PTGER3: variants seen among roughly 807,000 people sequenced by gnomAD.
PTGER3 encodes the protein prostaglandin E receptor 3.
In PTGER3, 22 loss-of-function variants were observed where a neutral mutation model predicts 34.7. The observed-to-expected ratio is 0.63, with a 90% CI of 0.45 to 0.91. The LOEUF (loss-of-function observed/expected upper bound fraction) is 0.91. Among genes scored for constraint, PTGER3 ranks in the 40% least tolerant of loss-of-function variants. The pLI, the probability that PTGER3 is intolerant of heterozygous loss-of-function variation, is 0.00. For synonymous variants in PTGER3, 241 were observed against 230.1 expected, an observed-to-expected ratio of 1.05 and a Z score of -0.43; for missense variants, 468 against 519.4, an observed-to-expected ratio of 0.90 and a Z score of 0.96.
intron 4 of PTGER3, among the ~76,000 whole-genome samples, chr1:70,903,472 A>C (rs1646882455): frequency 6.6e-6 from 1 of 152,224 alleles, no homozygotes; most frequent in Non-Finnish European, 1.5e-5. Context: ...ATGACAAAAC[A>C]ATAGGTAGCT....
At chr1:70,927,781 G>GAA (rs990657099) in intron 4 of PTGER3, among the ~76,000 whole-genome samples, 123 of 152,226 alleles carry the variant, frequency 8.1e-4, no homozygotes, top group Non-Finnish European at 1.5e-3. Flanking sequence ...AGGAAAATAT[G>GAA]AAACAGCCAA....
At chr1:71,016,849 A>G (rs1047897511) in intron 1 of PTGER3, among the ~76,000 whole-genome samples, 7 of 152,160 alleles carry the variant, frequency 4.6e-5, no homozygotes, top group Admixed American at 2.0e-4. Flanking sequence ...AAATGATGTT[A>G]ATGAAAGTCT....
chr1:71,015,374 A>G (rs1007481815), intron 1 of PTGER3, among the ~76,000 whole-genome samples: 2 of 152,230 alleles, frequency 1.3e-5, no homozygotes, highest in African/African-American at 4.8e-5. Flanking sequence ...CCCAGCTCCA[A>G]GGTTACTGAA....
At chr1:70,947,905 GTGTT>G, downstream of PTGER3, among the ~76,000 whole-genome samples, 1 of 152,238 alleles carries the variant, frequency 6.6e-6, no homozygotes, top group Middle Eastern at 3.4e-3. Context: ...GGATGAATGG[GTGTT>G]TGTGGCTGGG....
intron 4 of PTGER3, among the ~76,000 whole-genome samples, chr1:70,897,549 T>C (rs1319222094): frequency 1.3e-5 from 2 of 152,174 alleles, no homozygotes; most frequent in Non-Finnish European, 2.9e-5. Flanking sequence ...ACGTGTCTGC[T>C]GTTTCCATTC....
At position 70,970,907 on chromosome 1, in the gene PTGER3, G is replaced by A. The variant is rs1046932620; in HGVS notation, c.*823C>T. On this transcript the variant is annotated 3_prime_UTR_variant, in exon 4 of 4. Coordinates refer to ENST00000306666, the MANE Select transcript of PTGER3 (RefSeq NM_198719.2). ...TATTAATTTTGCCTTTGTATATGCT[G>A]CCAGAAAAGAAATATTAAGAAATCC... The A allele has an allele frequency of 1.0e-5, 10 of 985,042 alleles. No individual in the cohort carries two copies. Among genetic ancestry groups the A allele is most frequent in the Non-Finnish European group, 1.2e-5 (10 of 829,778 alleles). 61.0% of individuals were successfully genotyped at this position (985,042 alleles called of 1,614,324 possible).
intron 4 of PTGER3, among the ~76,000 whole-genome samples, chr1:70,910,127 G>A (rs1427772112): frequency 6.6e-6 from 1 of 152,172 alleles, no homozygotes; most frequent in Non-Finnish European, 1.5e-5. Context: ...CAACCTTAAT[G>A]ATATCATAAG....
intron 3 of PTGER3, among the ~76,000 whole-genome samples, chr1:70,953,229 G>A (rs755685384): frequency 1.3e-5 from 2 of 152,142 alleles, no homozygotes; most frequent in Non-Finnish European, 2.9e-5. Context: ...TCAGGAGGAT[G>A]TGCATAGGTT....
chr1:70,943,834 AAGGGAGAGAG>A (rs1572714694), intron 4 of PTGER3, among the ~76,000 whole-genome samples: 1 of 137,532 alleles, frequency 7.3e-6, no homozygotes, highest in South Asian at 2.5e-4. Flanking sequence ...CAGATGTGAA[AAGGGAGAGAG>A]AGGGAGAGAG....
intron 1 of PTGER3, among the ~76,000 whole-genome samples, chr1:71,015,093 C>T (rs2100870272): frequency 6.6e-6 from 1 of 152,168 alleles, no homozygotes; most frequent in South Asian, 2.1e-4. Context: ...TTTTTTCTAC[C>T]CCTGCAACAC....
intron 4 of PTGER3, among the ~76,000 whole-genome samples, chr1:70,906,331 A>G (rs1043449538): frequency 6.6e-6 from 1 of 152,248 alleles, no homozygotes; most frequent in African/African-American, 2.4e-5. Context: ...GAAATGGTGC[A>G]GAAGAGTGGT....
chr1:70,978,989 G>T (rs1361667250), intron 2 of PTGER3, among the ~76,000 whole-genome samples: 1 of 152,064 alleles, frequency 6.6e-6, no homozygotes, highest in Non-Finnish European at 1.5e-5. Flanking sequence ...TAATAGATTT[G>T]TAGATTTAAT....
intron 1 of PTGER3, among the ~76,000 whole-genome samples, chr1:71,019,112 T>A (rs1036269023): frequency 6.6e-6 from 1 of 152,222 alleles, no homozygotes; most frequent in Admixed American, 6.5e-5. Flanking sequence ...TTTCTGTGTA[T>A]GTGTTTGCAA....
intron 4 of PTGER3, among the ~76,000 whole-genome samples, chr1:70,868,629 G>A (rs12122560): frequency 0.11 from 16,638 of 152,138 alleles, 1,278 homozygotes; most frequent in Non-Finnish European, 0.16. Flanking sequence ...TGAGTGAAAC[G>A]AAACTCTTCG....
At chr1:70,948,318 T>C (rs1369025099), downstream of PTGER3, among the ~76,000 whole-genome samples, 1 of 152,116 alleles carries the variant, frequency 6.6e-6, no homozygotes, top group African/African-American at 2.4e-5. Flanking sequence ...CTGATGGTTT[T>C]ATAACGGACT....
At chr1:71,005,836 G>A (rs1656908329) in intron 2 of PTGER3, 3 of 955,112 alleles carry the variant, frequency 3.1e-6, no homozygotes, top group African/African-American at 1.8e-5. Context: ...AATTTCGGGT[G>A]AGCCATAGCC....
At chr1:70,878,208 A>G (rs942412272) in intron 4 of PTGER3, among the ~76,000 whole-genome samples, 1 of 152,078 alleles carries the variant, frequency 6.6e-6, no homozygotes, top group African/African-American at 2.4e-5. Context: ...GGGAGGTTAT[A>G]TATTTCCAGG....
At chr1:71,039,343 G>A (rs569041450) in intron 1 of PTGER3, among the ~76,000 whole-genome samples, 1 of 152,162 alleles carries the variant, frequency 6.6e-6, no homozygotes, top group African/African-American at 2.4e-5. Context: ...GGTGGCAGGG[G>A]GAGGGAAGGA....
At chr1:70,920,091 G>T (rs553222434) in intron 4 of PTGER3, among the ~76,000 whole-genome samples, 2 of 152,246 alleles carry the variant, frequency 1.3e-5, no homozygotes, top group East Asian at 3.9e-4. Flanking sequence ...CCCAATTAAT[G>T]CTGACAGTTG....
Sources: gnomAD v4.1 joint callset for allele counts (sites outside exome capture counted in the v4.1 genomes callset) on GRCh38, gnomAD v4.1.1 for gene constraint, MANE v1.5 for transcripts, NCBI Gene and HGNC (gene_info 2026-07-23, HGNC 2026-07-21) for gene names.